Variants in COL5A2 observed in about 807,000 individuals in gnomAD.
COL5A2 encodes the protein collagen type V alpha 2 chain.
A neutral mutation model predicts 208.2 loss-of-function variants in COL5A2; 23 were observed. The observed-to-expected ratio is 0.11, with a 90% confidence interval of 0.08 to 0.16. The LOEUF (loss-of-function observed/expected upper bound fraction) is 0.16, where lower values mean the gene tolerates loss of function less well. COL5A2 is among the 10% of genes least tolerant of loss of function. The pLI is 1.00. For synonymous variants in COL5A2, 625 were observed against 628.5 expected, an observed-to-expected ratio of 0.99 and a Z score of 0.08; for missense variants, 1,590 against 1,956.4, an observed-to-expected ratio of 0.81 and a Z score of 3.53.
chr2:189,091,391 G>T (rs1686781147), intron 7 of COL5A2, among the ~76,000 whole-genome samples: 1 of 152,076 alleles, frequency 6.6e-6, no homozygotes, highest in Non-Finnish European at 1.5e-5. Flanking sequence ...TTTTGATATG[G>T]CAAACTTCAT....
the COL5A2 span, among the ~76,000 whole-genome samples, chr2:189,255,051 C>T: frequency 2.6e-5 from 4 of 152,194 alleles, no homozygotes; most frequent in Non-Finnish European, 5.9e-5. Context: ...ACGGCAAAAG[C>T]AATGTATCAC....
At chr2:189,324,002 C>T in the COL5A2 span, among the ~76,000 whole-genome samples, 24 of 152,166 alleles carry the variant, frequency 1.6e-4, no homozygotes, top group Non-Finnish European at 2.8e-4. Flanking sequence ...GAACAGAGCC[C>T]TCAGAAATAA....
chr2:189,050,579 G>C lies in COL5A2; in HGVS notation c.3029C>G (p.Pro1010Arg), dbSNP rs1685763997. 6.4e-7 allele frequency: 1 copy of C among 1,551,098 alleles called. No individual in the cohort carries two copies. Residue 1010 changes from proline to arginine, a missense_variant, in exon 43 of 54, where the codon CCA becomes CGA. Transcript: ENST00000374866. ...GATGCAGCTACTCACCGCTGGGCCT[G>C]GTAGGCCGGGCATGCCTCTCTCTCC... ...QRGERGMPGLPGPAGTPGKVG... is the reference protein window; with the variant it reads ...QRGERGMPGLRGPAGTPGKVG...
At chr2:189,234,306 G>T in the COL5A2 span, among the ~76,000 whole-genome samples, 1 of 151,404 alleles carries the variant, frequency 6.6e-6, no homozygotes, top group Non-Finnish European at 1.5e-5. Context: ...TTTTATTCAA[G>T]AATTTTAAGG....
intron 18 of COL5A2, among the ~76,000 whole-genome samples, chr2:189,069,270 G>C (rs751209355): frequency 6.6e-6 from 1 of 152,092 alleles, no homozygotes; most frequent in Non-Finnish European, 1.5e-5. Context: ...AGAAAAACTA[G>C]AAACAGCCCT....
At chr2:189,356,696 A>T in the COL5A2 span, among the ~76,000 whole-genome samples, 2 of 152,096 alleles carry the variant, frequency 1.3e-5, no homozygotes, top group Admixed American at 1.3e-4. Context: ...TTTAACTCGG[A>T]GGAGTTTGTT....
chr2:189,237,335 T>A, the COL5A2 span, among the ~76,000 whole-genome samples: 1 of 151,572 alleles, frequency 6.6e-6, no homozygotes, highest in Non-Finnish European at 1.5e-5. Flanking sequence ...TATCTCTTAT[T>A]TCACAGAGTT....
At chr2:189,069,061 C>G (rs1248964982) in intron 18 of COL5A2, among the ~76,000 whole-genome samples, 177 bp from the exon 19 acceptor site, 1 of 152,174 alleles carries the variant, frequency 6.6e-6, no homozygotes, top group African/African-American at 2.4e-5. Flanking sequence ...TTCCCACTTC[C>G]TTCTTAAGGG....
At chr2:189,037,277 T>A (rs1685463532) in intron 51 of COL5A2, among the ~76,000 whole-genome samples, 1 of 152,216 alleles carries the variant, frequency 6.6e-6, no homozygotes, top group African/African-American at 2.4e-5. Flanking sequence ...TTAGATCTTT[T>A]TAAAATTACT....
rs555754492 is a variant in COL5A2 at position 189,057,003 on chromosome 2, A to G, written c.2361T>C (p.Ala787=). Residue 787 remains alanine, a synonymous_variant, in exon 35 of 54, where the codon GCT becomes GCC. Coordinates refer to ENST00000374866, the MANE Select transcript of COL5A2 (RefSeq NM_000393.5). The stretch of plus-strand genomic sequence containing the variant: ...CACCATCATTTCCAGCTGTGCCTTC[A>G]GCACCTTTTTCTCCTATGCCACCCT... ...GDRGGIGEKG[A]EGTAGNDGAR... The G allele has an allele frequency of 6.2e-7, 1 of 1,614,142 alleles. No homozygotes were observed. The highest frequency in any genetic ancestry group is 1.3e-5 in the African/African-American group (1 of 75,066).
At chr2:189,344,435 C>T in the COL5A2 span, among the ~76,000 whole-genome samples, 1,291 of 152,250 alleles carry the variant, frequency 8.5e-3, 14 homozygotes, top group African/African-American at 0.029. Flanking sequence ...ATCCCACTTT[C>T]CTGTTCAATA....
chr2:189,277,476 C>T, the COL5A2 span, among the ~76,000 whole-genome samples: 10 of 152,130 alleles, frequency 6.6e-5, no homozygotes, highest in Middle Eastern at 3.4e-3. Context: ...TTGCCGCTCT[C>T]TATACCCCTT....
intron 26 of COL5A2, 85 bp from the exon 27 acceptor site, chr2:189,063,355 T>G (rs1364748344): frequency 4.6e-6 from 5 of 1,076,762 alleles, no homozygotes; most frequent in Non-Finnish European, 4.3e-6. Flanking sequence ...TTGCTTACTA[T>G]CATGTTACAT....
At chr2:189,110,068 G>T (rs4128538) in intron 2 of COL5A2, among the ~76,000 whole-genome samples, 157 bp downstream of exon 2, 1 of 152,114 alleles carries the variant, frequency 6.6e-6, no homozygotes, top group African/African-American at 2.4e-5. Flanking sequence ...AACTTTAGAT[G>T]AAGTGAGTGA....
At chr2:189,179,371 C>T in intron 1 of COL5A2, 137 bp downstream of exon 1, 1 of 936,522 alleles carries the variant, frequency 1.1e-6, no homozygotes, top group Non-Finnish European at 1.7e-6. Context: ...AAGTCGTTTT[C>T]CAGGTGCAAA....
chr2:189,420,105 A>AAGGG, the COL5A2 span, among the ~76,000 whole-genome samples: 29 of 136,390 alleles, frequency 2.1e-4, no homozygotes, highest in East Asian at 5.0e-3. Flanking sequence ...GGAAGGAAGG[A>AAGGG]AGGGAGGGAG....
At chr2:189,239,506 C>T in the COL5A2 span, among the ~76,000 whole-genome samples, 4 of 151,162 alleles carry the variant, frequency 2.6e-5, no homozygotes, top group African/African-American at 9.7e-5. Context: ...TCTGAAAATG[C>T]AACGTTTCTG....
chr2:189,396,025 T>G, the COL5A2 span, among the ~76,000 whole-genome samples: 1 of 151,168 alleles, frequency 6.6e-6, no homozygotes, highest in Non-Finnish European at 1.5e-5. Context: ...ATACATAGCA[T>G]CTACAGGATG....
chr2:189,336,695 G>A, the COL5A2 span, among the ~76,000 whole-genome samples: 1 of 152,176 alleles, frequency 6.6e-6, no homozygotes, highest in South Asian at 2.1e-4. Context: ...GGTGTTTGGA[G>A]GAGAGTAATG....
Sources: gnomAD v4.1 joint callset for allele counts (sites outside exome capture counted in the v4.1 genomes callset) on GRCh38, gnomAD v4.1.1 for gene constraint, MANE v1.5 for transcripts, NCBI Gene and HGNC (gene_info 2026-07-23, HGNC 2026-07-21) for gene names.